The following IL1RAPL2 variants were observed in gnomAD, a reference collection of about 807,000 sequenced individuals.
The protein encoded by IL1RAPL2 is X-linked interleukin-1 receptor accessory protein-like 2.
IL1RAPL2 carries 3 observed loss-of-function variants against 44.1 expected under a neutral mutation model. That is an observed-to-expected ratio of 0.07 (90% confidence interval 0.03 to 0.18). IL1RAPL2 has a LOEUF of 0.18. Among genes scored for constraint, IL1RAPL2 ranks in the 10% least tolerant of loss-of-function variants. IL1RAPL2 has a pLI of 1.00. For missense variants in IL1RAPL2, 391 were observed against 496.4 expected (o/e 0.79, Z 2.02); for synonymous variants, 181 against 178.8 (o/e 1.01, Z -0.10).
intron 2 of IL1RAPL2, among the ~76,000 whole-genome samples, chrX:104,872,751 G>A (rs776233673): frequency 2.0e-4 from 22 of 111,287 alleles, no homozygotes; most frequent in Admixed American, 5.8e-4. Context: ...ATGGTGACTC[G>A]TCTAATATTC....
At chrX:105,330,232 T>C (rs191157870) in intron 5 of IL1RAPL2, among the ~76,000 whole-genome samples, 144 of 111,624 alleles carry the variant, frequency 1.3e-3, no homozygotes, top group African/African-American at 4.4e-3. Context: ...TCCCTTCTGA[T>C]TGATATGTGA....
At chrX:104,663,829 G>GT (rs990135273) in intron 2 of IL1RAPL2, among the ~76,000 whole-genome samples, 4 of 106,614 alleles carry the variant, frequency 3.8e-5, no homozygotes, top group Admixed American at 1.1e-4. Context: ...ATTGAGCTGA[G>GT]TGAAACACAG....
At chrX:104,699,973 A>G (rs1005216549) in intron 2 of IL1RAPL2, among the ~76,000 whole-genome samples, 2 of 111,568 alleles carry the variant, frequency 1.8e-5, no homozygotes, top group Non-Finnish European at 3.8e-5. Context: ...TTTTGCTCAG[A>G]AGCCATTGAT....
chrX:105,611,261 A>G (rs933403534), intron 6 of IL1RAPL2, among the ~76,000 whole-genome samples: 1 of 112,272 alleles, frequency 8.9e-6, no homozygotes, highest in South Asian at 3.7e-4. Flanking sequence ...AATTTTATAA[A>G]ATAAAAAAGT....
At chrX:105,101,161 C>T (rs1011511769) in intron 2 of IL1RAPL2, among the ~76,000 whole-genome samples, 4 of 112,004 alleles carry the variant, frequency 3.6e-5, no homozygotes, top group South Asian at 3.7e-4. Flanking sequence ...GATTAATTGG[C>T]TTAGTGACGA....
chrX:105,278,886 G>A (rs1404806810), intron 5 of IL1RAPL2, among the ~76,000 whole-genome samples: 1 of 111,173 alleles, frequency 9.0e-6, no homozygotes, highest in African/African-American at 3.3e-5. Context: ...CTGCTTGCCT[G>A]CCTGCTTCAT....
chrX:105,022,431 T>G (rs988291699), intron 2 of IL1RAPL2, among the ~76,000 whole-genome samples: 1 of 111,665 alleles, frequency 9.0e-6, no homozygotes, highest in African/African-American at 3.2e-5. Context: ...TCACACGTAT[T>G]AAATGACTTA....
chrX:104,676,610 A>G (rs752474519), intron 2 of IL1RAPL2, among the ~76,000 whole-genome samples: 16 of 111,184 alleles, frequency 1.4e-4, no homozygotes, highest in African/African-American at 4.6e-4. Context: ...GTATCTTTGT[A>G]GCGTTTTCTG....
intron 2 of IL1RAPL2, among the ~76,000 whole-genome samples, chrX:104,926,453 C>A (rs1047617236): frequency 4.5e-5 from 5 of 111,539 alleles, no homozygotes; most frequent in Admixed American, 9.6e-5. Context: ...ATAATCTAGG[C>A]CCCTATTTGT....
intron 2 of IL1RAPL2, among the ~76,000 whole-genome samples, chrX:104,835,000 A>C (rs1483079046): frequency 1.8e-5 from 2 of 112,122 alleles, no homozygotes; most frequent in African/African-American, 6.5e-5. Flanking sequence ...ATGGGAAATT[A>C]AGTCGAAAAT....
chrX:104,615,653 GT>G (rs1185639599), intron 1 of IL1RAPL2, among the ~76,000 whole-genome samples: 9 of 111,585 alleles, frequency 8.1e-5, no homozygotes, highest in African/African-American at 2.9e-4. Flanking sequence ...TTGATTCCAT[GT>G]ATTTGCTATT....
intron 2 of IL1RAPL2, among the ~76,000 whole-genome samples, chrX:104,764,381 T>C (rs1270893847): frequency 8.9e-6 from 1 of 112,244 alleles, no homozygotes; most frequent in East Asian, 2.8e-4. Context: ...ACAGAAATGC[T>C]ACTGATTTTT....
chrX:105,284,251 G>A (rs1463017025), intron 5 of IL1RAPL2, among the ~76,000 whole-genome samples: 1 of 112,035 alleles, frequency 8.9e-6, no homozygotes, highest in Non-Finnish European at 1.9e-5. Flanking sequence ...GTTTTGGGGG[G>A]TCTTTTCCCC....
intron 2 of IL1RAPL2, among the ~76,000 whole-genome samples, chrX:105,030,868 C>G (rs936750169): frequency 1.8e-5 from 2 of 111,742 alleles, no homozygotes; most frequent in African/African-American, 3.3e-5. Context: ...ATTCTTCCTA[C>G]CCATGAGCGT....
At chrX:105,272,120 T>G (rs1308117830) in intron 5 of IL1RAPL2, among the ~76,000 whole-genome samples, 11 of 59,813 alleles carry the variant, frequency 1.8e-4, no homozygotes, top group Admixed American at 1.7e-3. Flanking sequence ...TATCACACTC[T>G]GGGGACTGTG....
chrX:104,744,713 A>G (rs2084594279), intron 2 of IL1RAPL2, among the ~76,000 whole-genome samples: 1 of 110,894 alleles, frequency 9.0e-6, no homozygotes, highest in African/African-American at 3.3e-5. Context: ...TCTTTTTCAA[A>G]TTTCTCATTC....
intron 3 of IL1RAPL2, among the ~76,000 whole-genome samples, chrX:105,203,441 AT>A (rs1289697029): frequency 8.9e-6 from 1 of 112,254 alleles, no homozygotes; most frequent in Non-Finnish European, 1.9e-5. Flanking sequence ...GGTTGTTTAT[AT>A]AAGTCCAAAC....
In IL1RAPL2 at chrX:104,881,279, G is replaced by T. The variant is rs188187352; in HGVS notation, c.82+222284G>T. Among the ~76,000 whole-genome samples the T allele has an allele frequency of 1.2e-4, 13 of 111,293 alleles. No individual in the cohort carries two copies. The East Asian group carries it at 2.3e-3, about 19-fold the overall frequency. On this transcript the variant is annotated intron_variant, in intron 2 of 10. Transcript: ENST00000372582. ...TTACGTTCTTTGCTAGTGAACATGG[G>T]AGTCTTCATTTCCCTTCTTACAAAT...
intron 5 of IL1RAPL2, among the ~76,000 whole-genome samples, chrX:105,289,462 C>T (rs1259680440): frequency 2.7e-5 from 3 of 111,287 alleles, no homozygotes; most frequent in African/African-American, 9.8e-5. Context: ...TGCTATAGTC[C>T]AGAGGGAAGA....
Sources: allele counts gnomAD v4.1 joint callset (sites outside exome capture counted in the v4.1 genomes callset), GRCh38; gene constraint gnomAD v4.1.1; transcripts MANE v1.5; gene names NCBI Gene and HGNC (gene_info 2026-07-23, HGNC 2026-07-21).